The following RANBP2 variants were observed in gnomAD, a reference collection of about 807,000 sequenced individuals.
The protein encoded by RANBP2 is RAN binding protein 2, also known as E3 SUMO-protein ligase RanBP2.
In RANBP2, 57 loss-of-function variants were observed where a neutral mutation model predicts 303.6. The observed-to-expected ratio is 0.19, with a 90% CI of 0.15 to 0.23. The LOEUF (loss-of-function observed/expected upper bound fraction) is 0.23, where lower values mean the gene tolerates loss of function less well. RANBP2 is among the 10% of genes least tolerant of loss of function. RANBP2 has a pLI of 1.00. For synonymous variants in RANBP2, 1,167 were observed against 1,301.5 expected, an observed-to-expected ratio of 0.90 and a Z score of 2.23; for missense variants, 3,138 against 3,780.8, an observed-to-expected ratio of 0.83 and a Z score of 4.46.
At chr2:109,644,747 G>T in the RANBP2 span, among the ~76,000 whole-genome samples, 2 of 152,132 alleles carry the variant, frequency 1.3e-5, no homozygotes, top group East Asian at 3.9e-4. Flanking sequence ...GTCAGCCTGC[G>T]GCCTGCCCTC....
chr2:109,064,811 G>A, the RANBP2 span, among the ~76,000 whole-genome samples: 1 of 152,048 alleles, frequency 6.6e-6, no homozygotes. Context: ...GATGTGCCTG[G>A]GGCTCTGTAT....
chr2:108,720,635 A>G (rs1694160131), intron 1 of RANBP2, among the ~76,000 whole-genome samples: 3 of 152,354 alleles, frequency 2.0e-5, no homozygotes, highest in South Asian at 4.1e-4. Flanking sequence ...CTTTTCATCC[A>G]TAGATGGAGT....
At chr2:109,101,782 G>C in the RANBP2 span, among the ~76,000 whole-genome samples, 2 of 152,204 alleles carry the variant, frequency 1.3e-5, no homozygotes. Flanking sequence ...AGCCGAGCAG[G>C]GGGTGATGCA....
At chr2:109,237,429 G>T in the RANBP2 span, among the ~76,000 whole-genome samples, 12 of 152,196 alleles carry the variant, frequency 7.9e-5, no homozygotes, top group East Asian at 2.1e-3. Flanking sequence ...GGAGAAGGTT[G>T]GTGGAAGGCT....
the RANBP2 span, among the ~76,000 whole-genome samples, chr2:109,195,253 T>A: frequency 6.6e-6 from 1 of 152,110 alleles, no homozygotes; most frequent in Non-Finnish European, 1.5e-5. Context: ...AGGACTGCAG[T>A]CCATGGGAAC....
chr2:108,788,041 TCAAA>T (rs1161976747), downstream of RANBP2: 1 of 1,570,312 alleles, frequency 6.4e-7, no homozygotes, highest in Non-Finnish European at 8.6e-7. Flanking sequence ...GTATGATTTT[TCAAA>T]TTTTTATCAG....
At chr2:109,099,214 C>A in the RANBP2 span, among the ~76,000 whole-genome samples, 1 of 152,212 alleles carries the variant, frequency 6.6e-6, no homozygotes, top group Non-Finnish European at 1.5e-5. Context: ...GTGTTACATA[C>A]ATCCCATGTT....
At chr2:108,723,363 T>C (rs933345344) in intron 1 of RANBP2, among the ~76,000 whole-genome samples, 8 of 150,922 alleles carry the variant, frequency 5.3e-5, no homozygotes, top group African/African-American at 2.0e-4. Context: ...CACTGCAAAC[T>C]CTGCCTCCCG....
At chr2:108,939,259 C>T in the RANBP2 span, among the ~76,000 whole-genome samples, 1 of 152,052 alleles carries the variant, frequency 6.6e-6, no homozygotes, top group Non-Finnish European at 1.5e-5. Context: ...CTCACTGCAA[C>T]CTCCGCAACC....
chr2:109,176,259 A>C, the RANBP2 span, among the ~76,000 whole-genome samples: 1 of 152,226 alleles, frequency 6.6e-6, no homozygotes, highest in Non-Finnish European at 1.5e-5. Flanking sequence ...AGAGTTTAAT[A>C]AAATAGAAAA....
downstream of RANBP2, among the ~76,000 whole-genome samples, chr2:108,789,762 G>A (rs1028079462): frequency 3.9e-5 from 6 of 152,184 alleles, no homozygotes; most frequent in African/African-American, 1.4e-4. Flanking sequence ...AGGATACAGT[G>A]CTGGGTTAAA....
the RANBP2 span, among the ~76,000 whole-genome samples, chr2:109,115,178 G>A: frequency 6.6e-6 from 1 of 152,100 alleles, no homozygotes; most frequent in Admixed American, 6.6e-5. Flanking sequence ...CAATTCCCGG[G>A]TATCCTTGTT....
At chr2:109,284,334 G>A in the RANBP2 span, among the ~76,000 whole-genome samples, 1 of 152,214 alleles carries the variant, frequency 6.6e-6, no homozygotes, top group Admixed American at 6.5e-5. Context: ...AAAGCATTCA[G>A]GGACTGATAG....
the RANBP2 span, among the ~76,000 whole-genome samples, chr2:109,066,580 T>C: frequency 2.6e-5 from 4 of 152,282 alleles, no homozygotes; most frequent in South Asian, 8.3e-4. Context: ...GCAGTTGGTG[T>C]CCGCTGCCCA....
chr2:109,610,232 G>C, the RANBP2 span, among the ~76,000 whole-genome samples: 8 of 152,010 alleles, frequency 5.3e-5, no homozygotes, highest in African/African-American at 1.9e-4. Context: ...GGGACTACAG[G>C]CGCATGCCAC....
chr2:109,192,378 AATGTGGAGT>A, the RANBP2 span, among the ~76,000 whole-genome samples: 1 of 152,238 alleles, frequency 6.6e-6, no homozygotes, highest in Non-Finnish European at 1.5e-5. Context: ...TCATTCTCAA[AATGTGGAGT>A]ATTTATAGCA....
At chr2:109,592,202 C>T in the RANBP2 span, among the ~76,000 whole-genome samples, 39 of 151,916 alleles carry the variant, frequency 2.6e-4, no homozygotes, top group Admixed American at 8.5e-4. Context: ...TGGTGGCTCA[C>T]GCCTGTAATC....
chr2:108,787,685 T>A (rs552914595), downstream of RANBP2, among the ~76,000 whole-genome samples: 1 of 152,316 alleles, frequency 6.6e-6, no homozygotes, highest in Admixed American at 6.5e-5. Context: ...TGGAACAGGT[T>A]CACAGCCTTT....
chr2:109,063,342 C>T, the RANBP2 span, among the ~76,000 whole-genome samples: 1 of 152,254 alleles, frequency 6.6e-6, no homozygotes, highest in East Asian at 1.9e-4. Context: ...TGCCCTGTGC[C>T]TGGGTTTTCT....
Sources: allele counts gnomAD v4.1 joint callset (sites outside exome capture counted in the v4.1 genomes callset), GRCh38; gene constraint gnomAD v4.1.1; transcripts MANE v1.5; gene names NCBI Gene and HGNC (gene_info 2026-07-23, HGNC 2026-07-21).